The following PCDH9 variants were observed in gnomAD, a reference collection of about 807,000 sequenced individuals.
PCDH9 encodes the protein protocadherin-9.
A neutral mutation model predicts 70.6 loss-of-function variants in PCDH9; 24 were observed. The observed-to-expected ratio is 0.34, with a 90% CI of 0.25 to 0.48. The LOEUF is 0.48. Ranked by LOEUF, PCDH9 falls within the 20% of genes least tolerant of loss-of-function variation. The pLI is 0.99. For missense variants in PCDH9, 1,281 were observed against 1,503.6 expected, an observed-to-expected ratio of 0.85 and a Z score of 2.45; for synonymous variants, 562 against 558.5, an observed-to-expected ratio of 1.01 and a Z score of -0.09.
At chr13:66,783,051 G>C (rs965967987) in intron 3 of PCDH9, among the ~76,000 whole-genome samples, 2 of 152,090 alleles carry the variant, frequency 1.3e-5, no homozygotes, top group Non-Finnish European at 2.9e-5. Context: ...AGGCCGTTTA[G>C]CTTGTTGAAG....
intron 4 of PCDH9, among the ~76,000 whole-genome samples, chr13:66,326,418 G>GAAAACAATAAAAAAA (rs1403520308): frequency 6.8e-6 from 1 of 146,930 alleles, no homozygotes; most frequent in African/African-American, 2.5e-5. Context: ...AAAAAACAAC[G>GAAAACAATAAAAAAA]AAAACAATAA....
intron 2 of PCDH9, among the ~76,000 whole-genome samples, chr13:67,052,607 T>C (rs1488534701): frequency 6.6e-6 from 1 of 151,614 alleles, no homozygotes; most frequent in African/African-American, 2.4e-5. Context: ...AAAAGCCAGG[T>C]GCACACAAGA....
intron 2 of PCDH9, among the ~76,000 whole-genome samples, chr13:67,194,528 T>C (rs2138031353): frequency 6.6e-6 from 1 of 152,312 alleles, no homozygotes; most frequent in South Asian, 2.1e-4. Context: ...AATTGAAGAA[T>C]TTAATTTGCT....
At chr13:66,765,106 C>T (rs919078236) in intron 3 of PCDH9, among the ~76,000 whole-genome samples, 2 of 151,426 alleles carry the variant, frequency 1.3e-5, no homozygotes, top group Admixed American at 6.6e-5. Flanking sequence ...CTGTATCTTT[C>T]TCTCTCTCTT....
At chr13:67,092,902 T>A (rs1463958769) in intron 2 of PCDH9, among the ~76,000 whole-genome samples, 1 of 146,640 alleles carries the variant, frequency 6.8e-6, no homozygotes, top group East Asian at 2.0e-4. Context: ...GATTCACTTA[T>A]GAACTGGAAT....
intron 3 of PCDH9, among the ~76,000 whole-genome samples, chr13:66,858,240 TG>T (rs1477785571): frequency 6.6e-6 from 1 of 152,292 alleles, no homozygotes; most frequent in African/African-American, 2.4e-5. Flanking sequence ...TCCATAAACC[TG>T]ATAAAAACAA....
intron 4 of PCDH9, among the ~76,000 whole-genome samples, chr13:66,348,096 T>C (rs1172940003): frequency 6.6e-6 from 1 of 152,204 alleles, no homozygotes; most frequent in African/African-American, 2.4e-5. Flanking sequence ...ATTCCTTTTT[T>C]CTTATTAGTC....
At chr13:66,929,006 A>C (rs1365557566) in intron 2 of PCDH9, among the ~76,000 whole-genome samples, 4 of 152,168 alleles carry the variant, frequency 2.6e-5, no homozygotes, top group African/African-American at 9.6e-5. Context: ...TGGACAGAGA[A>C]TAACTTTGAT....
chr13:66,651,882 T>C (rs542984084), intron 3 of PCDH9, among the ~76,000 whole-genome samples: 1 of 152,182 alleles, frequency 6.6e-6, no homozygotes, highest in Admixed American at 6.5e-5. Flanking sequence ...ATGTGATACA[T>C]CATCTCAAGA....
At chr13:66,746,002 C>T (rs1319734605) in intron 3 of PCDH9, among the ~76,000 whole-genome samples, 1 of 152,116 alleles carries the variant, frequency 6.6e-6, no homozygotes, top group African/African-American at 2.4e-5. Context: ...AGTTTTTCTC[C>T]TCTCAGAAAT....
chr13:66,511,540 T>A (rs1048834403), intron 4 of PCDH9, among the ~76,000 whole-genome samples: 2 of 152,088 alleles, frequency 1.3e-5, no homozygotes, highest in Non-Finnish European at 2.9e-5. Flanking sequence ...ATTGATCAAG[T>A]CATGATAACT....
chr13:66,447,069 A>G (rs1958105255), intron 4 of PCDH9, among the ~76,000 whole-genome samples: 1 of 152,070 alleles, frequency 6.6e-6, no homozygotes, highest in Non-Finnish European at 1.5e-5. Context: ...CTTAACTCTC[A>G]GGAAGAAAGT....
intron 2 of PCDH9, chr13:67,208,558 G>A (rs1471285056): frequency 6.6e-6 from 1 of 152,030 alleles, no homozygotes; most frequent in South Asian, 2.1e-4. Flanking sequence ...GAAACAATTA[G>A]GCTGATATAG....
At chr13:67,177,504 G>A (rs2088495142) in intron 2 of PCDH9, among the ~76,000 whole-genome samples, 2 of 151,898 alleles carry the variant, frequency 1.3e-5, no homozygotes, top group Non-Finnish European at 2.9e-5. Context: ...TTGACACTTT[G>A]ACCCTCTTTC....
chr13:67,002,067 G>A (rs1453079720), intron 2 of PCDH9: 4 of 152,218 alleles, frequency 2.6e-5, no homozygotes, highest in Admixed American at 6.5e-5. Flanking sequence ...AAGTAAGCTA[G>A]TTAGATTCTC....
chr13:67,051,923 T>G (rs984749598), intron 2 of PCDH9, among the ~76,000 whole-genome samples: 3 of 152,178 alleles, frequency 2.0e-5, no homozygotes, highest in African/African-American at 7.2e-5. Context: ...CAATTTATGC[T>G]ATGTTTTAAG....
chr13:67,042,622 T>C (rs1187307993), intron 2 of PCDH9, among the ~76,000 whole-genome samples: 1 of 152,206 alleles, frequency 6.6e-6, no homozygotes, highest in African/African-American at 2.4e-5. Flanking sequence ...CATATACAGA[T>C]AGCTTCTACT....
At chr13:66,427,111 G>GAA in intron 4 of PCDH9, among the ~76,000 whole-genome samples, 1 of 151,574 alleles carries the variant, frequency 6.6e-6, no homozygotes, top group South Asian at 2.1e-4. Context: ...CCACATGAAT[G>GAA]AAACAACATT....
intron 3 of PCDH9, among the ~76,000 whole-genome samples, chr13:66,861,643 C>A (rs190046765): frequency 3.8e-4 from 58 of 152,254 alleles, no homozygotes; most frequent in African/African-American, 1.2e-3. Context: ...CAGTCAAAGG[C>A]TATTCCACTC....
Sources: gnomAD v4.1 joint callset for allele counts (sites outside exome capture counted in the v4.1 genomes callset) on GRCh38, gnomAD v4.1.1 for gene constraint, MANE v1.5 for transcripts, NCBI Gene and HGNC (gene_info 2026-07-23, HGNC 2026-07-21) for gene names.